Variants in FGR observed in about 807,000 individuals in gnomAD.
FGR encodes tyrosine-protein kinase Fgr.
In FGR, 26 loss-of-function variants were observed where a neutral mutation model predicts 63.2. The observed-to-expected ratio is 0.41, with a 90% CI of 0.30 to 0.57. FGR has a LOEUF of 0.57. FGR is among the 20% of genes least tolerant of loss of function. The pLI, the probability that FGR is intolerant of heterozygous loss-of-function variation, is 0.27. For synonymous variants in FGR, 286 were observed against 277.7 expected, an observed-to-expected ratio of 1.03 and a Z score of -0.30; for missense variants, 511 against 690.8, an observed-to-expected ratio of 0.74 and a Z score of 2.92.
rs59265327 is a variant in FGR, at chr1:27,620,991, C to CAAAAA, written c.428+563_428+567dup. Among the ~76,000 whole-genome samples, 98 of 21,990 alleles carry CAAAAA rather than the reference C, an allele frequency of 4.5e-3. 1 individual carries two copies. Among genetic ancestry groups the CAAAAA allele is most frequent in the African/African-American group, 7.1e-3 (66 of 9,332 alleles). The allele number at this position is 21,990 out of a possible 152,430, so 14.4% of individuals were successfully genotyped here. A position where few individuals can be genotyped will look rare whatever the true frequency, so the allele number is the denominator to read the frequency against. On this transcript the variant is annotated intron_variant, in intron 5 of 12. Transcript: ENST00000374005. ...TAGGCAACAGAGTAGGACCCTGTCTCAAAAAAAAAAAAAAAAAAAAAAAAA... is the reference window on the plus strand; with the variant it reads ...TAGGCAACAGAGTAGGACCCTGTCTCAAAAAAAAAAAAAAAAAAAAAAAAAAAAAA...
At chr1:27,628,998 A>C in intron 1 of FGR, among the ~76,000 whole-genome samples, 1 of 152,180 alleles carries the variant, frequency 6.6e-6, no homozygotes, top group Non-Finnish European at 1.5e-5. Context: ...GCCACACTGC[A>C]TGTAGCCATG....
chr1:27,612,813 C>T lies in FGR; in HGVS notation c.*101G>A. 1 of 1,135,390 alleles carries T rather than the reference C, an allele frequency of 8.8e-7. No individual in the cohort carries two copies. Among genetic ancestry groups the T allele is most frequent in the Non-Finnish European group, 1.3e-6 (1 of 789,444 alleles). The allele number at this position is 1,135,390 out of a possible 1,614,324, so 70.3% of individuals were successfully genotyped here. On this transcript the variant is annotated 3_prime_UTR_variant, in exon 13 of 13. Transcript: ENST00000374005. ...AGCCACGTCCTCGGTGATGCTAGGA[C>T]TCTATGGGGTTCTAAGCCAGCCTGG...
In FGR at chr1:27,631,620, T is replaced by A. The variant is rs527416787; in HGVS notation, c.-77+3445A>T. ...GGTTGCTTCTCAGCATCAAATGGGG[T>A]CACATCACTGAAAGCATCAGACATA... On this transcript the variant is annotated intron_variant, in intron 1 of 12. Coordinates refer to ENST00000374005, the MANE Select transcript of FGR (RefSeq NM_005248.3). Among the ~76,000 whole-genome samples the A allele has an allele frequency of 2.6e-5, 4 of 152,158 alleles. No individual in the cohort carries two copies. In the East Asian group the frequency reaches 7.7e-4, roughly 29 times the overall value.
intron 1 of FGR, among the ~76,000 whole-genome samples, chr1:27,632,138 TTC>T (rs1226092223): frequency 7.2e-5 from 10 of 138,750 alleles, no homozygotes; most frequent in African/African-American, 1.6e-4. Context: ...CTTCTTCTTC[TTC>T]TTTTTTTTTT....
In FGR at chr1:27,612,671, G is replaced by A. The variant is rs2089716851; in HGVS notation, c.*243C>T. ...GTGAGAAAGGCTACAGGCATGTAGG[G>A]GCCTAAGTGGAAAAGGAAGAAATAG... On this transcript the variant is annotated 3_prime_UTR_variant, in exon 13 of 13. Transcript: ENST00000374005. The A allele has an allele frequency of 3.8e-6, 2 of 521,770 alleles. No individual in the cohort carries two copies. Among genetic ancestry groups the A allele is most frequent in the South Asian group, 2.4e-5 (1 of 41,512 alleles). The allele number at this position is 521,770 out of a possible 1,614,324, so 32.3% of individuals were successfully genotyped here. A position where few individuals can be genotyped will look rare whatever the true frequency, so the allele number is the denominator to read the frequency against.
chr1:27,621,801 C>A, intron 4 of FGR, 144 bp from the exon 5 acceptor site: 1 of 654,062 alleles, frequency 1.5e-6, no homozygotes, highest in Non-Finnish European at 2.8e-6. Flanking sequence ...CTTTTGTCCG[C>A]TCTGCCCCAG....
At chr1:27,622,382 C>T (rs2089946297) in intron 4 of FGR, among the ~76,000 whole-genome samples, 1 of 151,962 alleles carries the variant, frequency 6.6e-6, no homozygotes. Context: ...ATTTTATGAA[C>T]CACCTAAGGT....
intron 1 of FGR, chr1:27,626,368 C>A: frequency 2.5e-6 from 1 of 396,610 alleles, no homozygotes; most frequent in Non-Finnish European, 4.4e-6. Flanking sequence ...GGGCCCCCAG[C>A]TTCTCTCTCT....
intron 1 of FGR, among the ~76,000 whole-genome samples, chr1:27,630,321 G>A (rs964017680): frequency 3.9e-5 from 6 of 152,162 alleles, no homozygotes; most frequent in Admixed American, 2.0e-4. Flanking sequence ...CCAAAGTGCT[G>A]GGATTACAGG....
chr1:27,622,289 A>G (rs1465195592), intron 4 of FGR, among the ~76,000 whole-genome samples: 3 of 123,256 alleles, frequency 2.4e-5, no homozygotes, highest in South Asian at 2.4e-4. Context: ...ACTCCAACTC[A>G]AAAAAAAAAA....
chr1:27,615,182 C>G lies in FGR; in HGVS notation c.1018+252G>C, dbSNP rs1220954093. Among the ~76,000 whole-genome samples, 1 of 152,060 alleles carries G rather than the reference C, an allele frequency of 6.6e-6. No homozygotes were observed. The highest frequency in any genetic ancestry group is 1.5e-5 in the Non-Finnish European group (1 of 68,004). ...CTCCGCCCCAGACCCTCCCTCATTC[C>G]CGATTCTGCCTTCGTTAGCCCAAGC... On this transcript the variant is annotated intron_variant, in intron 9 of 12. Coordinates refer to ENST00000374005, the MANE Select transcript of FGR (RefSeq NM_005248.3). The surrounding 1 kb of genome is among the most constrained non-coding windows in gnomAD (Gnocchi z 7.6).
rs562128871 is a variant in FGR at position 27,630,199 on chromosome 1, C to T, written c.-77+4866G>A. ...TCCTGAGTAGCTGGGACTACAGGCG[C>T]GCTGCCAACACGCCTGGCTAATTTT... On this transcript the variant is annotated intron_variant, in intron 1 of 12. Coordinates refer to ENST00000374005, the MANE Select transcript of FGR (RefSeq NM_005248.3). Among the ~76,000 whole-genome samples, 341 of 152,078 alleles carry T rather than the reference C, an allele frequency of 2.2e-3. 6 individuals carry two copies. Among genetic ancestry groups the T allele is most frequent in the African/African-American group, 7.7e-3 (319 of 41,474 alleles).
rs755839477 is a variant in FGR, at chr1:27,623,911, G to A, written c.6C>T (p.Gly2=). ...GCTCCAATTTCTTGCAGAACACACAGCCCATTCCAGGTTCCCTGCTACAGA... is the reference window on the plus strand; with the variant it reads ...GCTCCAATTTCTTGCAGAACACACAACCCATTCCAGGTTCCCTGCTACAGA... M[G]CVFCKKLEPV... The change falls in exon 3 of 13, where the codon GGC becomes GGT. Residue 2 remains glycine (G), a synonymous_variant. Transcript: ENST00000374005. 4.4e-6 allele frequency: 7 copies of A among 1,589,976 alleles called. No homozygotes were observed. The African/African-American group carries it at 6.7e-5, about 15-fold the overall frequency.
chr1:27,634,388 C>A (rs747019096), intron 1 of FGR, among the ~76,000 whole-genome samples: 2 of 152,172 alleles, frequency 1.3e-5, no homozygotes, highest in African/African-American at 4.8e-5. Context: ...CTCGCGCGCC[C>A]GGCAGGAGTC....
rs2089974788 is a variant in FGR, at chr1:27,623,876, G to A, written c.41C>T (p.Thr14Met). The A allele has an allele frequency of 1.2e-5, 20 of 1,606,224 alleles. No homozygotes were observed. Among genetic ancestry groups the A allele is most frequent in the South Asian group, 2.2e-5 (2 of 90,802 alleles). ...VFCKKLEPVA[T>M]AKEDAGLEGD... ...TTCCAGGCCAGCATCCTCCTTGGCC[G>A]TGGCCACCGGCTCCAATTTCTTGCA... is the stretch of plus-strand genomic sequence containing the variant. Residue 14 changes from threonine to methionine, a missense_variant, in exon 3 of 13, where the codon ACG becomes ATG. Thr to Met is a moderately conservative substitution (Grantham distance 81). Transcript: ENST00000374005.
chr1:27,623,361 C>T, intron 3 of FGR: 1 of 598,824 alleles, frequency 1.7e-6, no homozygotes, highest in South Asian at 2.0e-5. Flanking sequence ...GGAGGATCCC[C>T]TTGTTGCCCA....
intron 3 of FGR, 95 bp downstream of exon 3, chr1:27,623,596 C>T (rs762542254): frequency 7.9e-7 from 1 of 1,272,258 alleles, no homozygotes; most frequent in African/African-American, 1.5e-5. Context: ...GCCACATCCT[C>T]CTGGAGGCTC....
rs759921948 is a variant in FGR, at chr1:27,613,312, C to T, written c.1288G>A (p.Ala430Thr). 6.8e-6 allele frequency: 11 copies of T among 1,614,114 alleles called. No homozygotes were observed. Among genetic ancestry groups the T allele is most frequent in the Non-Finnish European group, 8.5e-6 (10 of 1,180,002 alleles). ...FPIKWTAPEA[A>T]LFGRFTIKSD... is the part of the protein sequence containing the mutation. ...TTGATGGTGAATCTGCCAAAGAGGG[C>T]AGCTTCTGGGGCTGTCCACTTGATG... The change falls in exon 12 of 13, where the codon GCC becomes ACC. Residue 430 changes from alanine (A) to threonine (T), a missense_variant. Coordinates refer to ENST00000374005, the MANE Select transcript of FGR (RefSeq NM_005248.3).
In FGR at chr1:27,616,996, G is replaced by A. The variant is rs776976324; in HGVS notation, c.543C>T (p.Ser181=). ...RESETTKGAY[S]LSIRDWDQTR... The stretch of plus-strand genomic sequence containing the variant: ...TCTGATCCCAGTCCCGGATGGACAG[G>A]GAGTAGGCACCTGTGGAGAGGATCA... Residue 181 remains serine, a synonymous_variant, in exon 7 of 13, where the codon TCC becomes TCT. Transcript: ENST00000374005. The surrounding 1 kb of genome is among the most constrained non-coding windows in gnomAD (Gnocchi z 4.3). 1 of 1,614,178 alleles carries A rather than the reference G, an allele frequency of 6.2e-7. No homozygotes were observed. Among genetic ancestry groups the A allele is most frequent in the Admixed American group, 1.7e-5 (1 of 60,036 alleles).
Sources: gnomAD v4.1 joint callset for allele counts (sites outside exome capture counted in the v4.1 genomes callset) on GRCh38, gnomAD v4.1.1 for gene constraint, Gnocchi (gnomAD v3.1) non-coding constraint, MANE v1.5 for transcripts, NCBI Gene and HGNC (gene_info 2026-07-23, HGNC 2026-07-21) for gene names.